MLF1: variants seen among roughly 807,000 people sequenced by gnomAD.
The protein encoded by MLF1 is myelodysplasia-myeloid leukemia factor 1.
A neutral mutation model predicts 38.3 loss-of-function variants in MLF1; 37 were observed. The observed-to-expected ratio is 0.96, with a 90% CI of 0.74 to 1.27. The LOEUF (loss-of-function observed/expected upper bound fraction) is 1.27. Ranked by LOEUF, MLF1 falls within the 50% of genes most tolerant of loss-of-function variation. The probability of loss-of-function intolerance (pLI) is 0.00; values close to 1 mark genes in which losing one functional copy is unlikely to be tolerated. For missense variants in MLF1, 331 were observed against 349.2 expected, an observed-to-expected ratio of 0.95 and a Z score of 0.42; for synonymous variants, 95 against 106.5, an observed-to-expected ratio of 0.89 and a Z score of 0.66.
intron 1 of MLF1, among the ~76,000 whole-genome samples, chr3:158,586,164 CA>C (rs11297914): frequency 0.44 from 55,295 of 124,866 alleles, 10,681 homozygotes; most frequent in African/African-American, 0.55. Flanking sequence ...AACTCTGTCT[CA>C]AAAAAAAAAA....
intron 3 of MLF1, among the ~76,000 whole-genome samples, chr3:158,595,371 A>C (rs1203720373): frequency 1.3e-5 from 2 of 152,162 alleles, no homozygotes; most frequent in Non-Finnish European, 2.9e-5. Context: ...TTGTACCCCA[A>C]CTTTTTGTCA....
Position 158,602,949 on chromosome 3 carries a change from G to A in MLF1, c.746+10G>A. On this transcript the variant is annotated intron_variant, in intron 7 of 7. Coordinates refer to ENST00000466246, the MANE Select transcript of MLF1 (RefSeq NM_001369783.1). ...GAGAACTTAAAAGAAGGTAAAAGTT[G>A]TTTCTAAAATAGTTTGGTTTTTTAA... 6.2e-7 allele frequency: 1 copy of A among 1,604,220 alleles called. No homozygotes were observed.
intron 5 of MLF1, among the ~76,000 whole-genome samples, chr3:158,599,077 T>C (rs1022639754): frequency 1.3e-5 from 2 of 152,210 alleles, no homozygotes; most frequent in South Asian, 2.1e-4. Context: ...TTATTCAAGT[T>C]GATACATGTG....
intron 1 of MLF1, among the ~76,000 whole-genome samples, chr3:158,589,751 AT>A (rs1478571395): frequency 2.0e-5 from 3 of 152,158 alleles, no homozygotes; most frequent in African/African-American, 7.2e-5. Context: ...GAAGTCCAAA[AT>A]GGGTTTCCCT....
At chr3:158,601,263 T>C (rs908431927) in intron 6 of MLF1, among the ~76,000 whole-genome samples, 1 of 151,716 alleles carries the variant, frequency 6.6e-6, no homozygotes, top group Admixed American at 6.6e-5. Context: ...TGAAACCCCA[T>C]CTCTACTAAA....
intron 1 of MLF1, among the ~76,000 whole-genome samples, chr3:158,582,227 A>G (rs1017499539): frequency 6.6e-6 from 1 of 152,024 alleles, no homozygotes; most frequent in Non-Finnish European, 1.5e-5. Context: ...TTATCAGTGG[A>G]CTATGAACAG....
chr3:158,595,215 G>A (rs867637651), intron 3 of MLF1, among the ~76,000 whole-genome samples: 23 of 152,040 alleles, frequency 1.5e-4, no homozygotes, highest in Middle Eastern at 6.3e-3. Context: ...GGTGACCAGC[G>A]GTGGCCTTTC....
At chr3:158,576,893 C>T (rs1018728704) in intron 1 of MLF1, among the ~76,000 whole-genome samples, 1 of 151,918 alleles carries the variant, frequency 6.6e-6, no homozygotes, top group Admixed American at 6.6e-5. Flanking sequence ...AAACTGGTCT[C>T]GAACTCCTGA....
At chr3:158,593,522 C>A in intron 3 of MLF1, 96 bp downstream of exon 3, 2 of 929,044 alleles carry the variant, frequency 2.2e-6, no homozygotes, top group Non-Finnish European at 3.2e-6. Flanking sequence ...TGCAGCCTCA[C>A]TTCCATAATG....
chr3:158,590,989 C>A, intron 1 of MLF1: 1 of 421,908 alleles, frequency 2.4e-6, no homozygotes, highest in South Asian at 1.7e-5. Context: ...TTTTAACCTC[C>A]AAGGTAATGT....
At position 158,593,441 on chromosome 3, in the gene MLF1, A is replaced by T; in HGVS notation, c.240+15A>T. The stretch of plus-strand genomic sequence containing the variant: ...TTGGTGGTATGGTTCGTATCTTAAG[A>T]CACAAATCATTTTAGCAATATTTTC... On this transcript the variant is annotated intron_variant, in intron 3 of 7. Coordinates refer to ENST00000466246, the MANE Select transcript of MLF1 (RefSeq NM_001369783.1). The T allele has an allele frequency of 6.5e-7, 1 of 1,546,772 alleles. No homozygotes were observed. Among genetic ancestry groups the T allele is most frequent in the Admixed American group, 1.9e-5 (1 of 52,742 alleles).
At chr3:158,571,740 A>G (rs1440456593) in intron 1 of MLF1, among the ~76,000 whole-genome samples, 5 of 53,442 alleles carry the variant, frequency 9.4e-5, no homozygotes, top group Non-Finnish European at 7.4e-5. Context: ...GAGGTGAGGG[A>G]AGGGTTTGGG....
chr3:158,604,641 G>T (rs28713265), intron 7 of MLF1, among the ~76,000 whole-genome samples: 8,072 of 151,680 alleles, frequency 0.053, 665 homozygotes, highest in African/African-American at 0.18. Context: ...TTATTTTCTG[G>T]TTTTTTTTGT....
At chr3:158,571,961 G>T (rs536265011) in intron 1 of MLF1, among the ~76,000 whole-genome samples, 2 of 26,310 alleles carry the variant, frequency 7.6e-5, no homozygotes, top group East Asian at 1.1e-3. Flanking sequence ...GGGAGGGTTT[G>T]GGAGCGTGGG....
chr3:158,600,143 G>A lies in MLF1; in HGVS notation c.583G>A (p.Val195Ile), dbSNP rs926608649. ...SKNKKTGDEEVNQEFINMNES... is the reference protein window; with the variant it reads ...SKNKKTGDEEINQEFINMNES... ...GAACAAGAAGACTGGAGATGAAGAG[G>A]TCAACCAGGAGTTCATCAATATGAA... Residue 195 changes from valine (V) to isoleucine (I), a missense_variant, in exon 6 of 8, where the codon GTC becomes ATC. Transcript: ENST00000466246. 2 of 1,459,988 alleles carry A rather than the reference G, an allele frequency of 1.4e-6. No individual in the cohort carries two copies. Among genetic ancestry groups the A allele is most frequent in the Middle Eastern group, 1.8e-4 (1 of 5,504 alleles). The allele number at this position is 1,459,988 out of a possible 1,614,324, so 90.4% of individuals were successfully genotyped here. A position where few individuals can be genotyped will look rare whatever the true frequency, so the allele number is the denominator to read the frequency against.
intron 1 of MLF1, among the ~76,000 whole-genome samples, chr3:158,588,083 A>G (rs1451257912): frequency 1.3e-5 from 2 of 152,250 alleles, no homozygotes; most frequent in Non-Finnish European, 2.9e-5. Flanking sequence ...CTTCGGGGAA[A>G]GAGCTACCAT....
At chr3:158,596,989 G>T in intron 4 of MLF1, 44 bp downstream of exon 4, 1 of 1,272,728 alleles carries the variant, frequency 7.9e-7, no homozygotes, top group Non-Finnish European at 1.1e-6. Flanking sequence ...TGTATACTTT[G>T]ATATATTCTA....
chr3:158,574,523 A>AAAAAAAAAAAAAAAAAAAAG (rs1553830589), intron 1 of MLF1, among the ~76,000 whole-genome samples: 1 of 115,698 alleles, frequency 8.6e-6, no homozygotes, highest in African/African-American at 2.9e-5. Flanking sequence ...AAAAAAAAAA[A>AAAAAAAAAAAAAAAAAAAAG]AAAATACAAA....
intron 1 of MLF1, among the ~76,000 whole-genome samples, chr3:158,589,277 T>A (rs1178794206): frequency 6.6e-6 from 1 of 152,114 alleles, no homozygotes; most frequent in Non-Finnish European, 1.5e-5. Context: ...AATGGCATGA[T>A]CTTGGCTCAT....
Sources: allele counts gnomAD v4.1 joint callset (sites outside exome capture counted in the v4.1 genomes callset), GRCh38; gene constraint gnomAD v4.1.1; transcripts MANE v1.5; gene names NCBI Gene and HGNC (gene_info 2026-07-23, HGNC 2026-07-21).